The following ZNF385D variants were observed in gnomAD, a reference collection of about 807,000 sequenced individuals.
The protein encoded by ZNF385D is zinc finger protein 385D.
Under a neutral mutation model 35.8 loss-of-function variants are expected in ZNF385D, and 15 were observed. That is an observed-to-expected ratio of 0.42 (90% CI 0.28 to 0.64). The LOEUF (loss-of-function observed/expected upper bound fraction) is 0.64. Ranked by LOEUF, ZNF385D falls within the 30% of genes least tolerant of loss-of-function variation. The pLI is 0.23. For synonymous variants in ZNF385D, 212 were observed against 186.8 expected (o/e 1.13, Z -1.10); for missense variants, 474 against 494.6 (o/e 0.96, Z 0.39).
intron 2 of ZNF385D, among the ~76,000 whole-genome samples, chr3:22,182,279 T>A (rs1695331096): frequency 6.6e-6 from 1 of 152,006 alleles, no homozygotes; most frequent in Admixed American, 6.6e-5. Context: ...GTCAAGAAAA[T>A]GTCTTAAAAC....
chr3:21,975,834 T>G (rs1306620032), intron 3 of ZNF385D, among the ~76,000 whole-genome samples: 2 of 146,010 alleles, frequency 1.4e-5, no homozygotes, highest in African/African-American at 2.6e-5. Flanking sequence ...AAAAATTAAG[T>G]GAGATTGGCA....
At chr3:21,595,424 T>C (rs1180747375) in intron 2 of ZNF385D, among the ~76,000 whole-genome samples, 2 of 150,026 alleles carry the variant, frequency 1.3e-5, no homozygotes, top group East Asian at 3.9e-4. Context: ...ATATGCTTTA[T>C]ATATGTAGTA....
chr3:21,815,419 A>G (rs2073102389), intron 3 of ZNF385D, among the ~76,000 whole-genome samples: 1 of 152,212 alleles, frequency 6.6e-6, no homozygotes, highest in African/African-American at 2.4e-5. Flanking sequence ...AAGATCAACA[A>G]AAGTGATAGA....
intron 3 of ZNF385D, among the ~76,000 whole-genome samples, chr3:21,807,642 A>G (rs1032227619): frequency 2.0e-5 from 3 of 152,130 alleles, no homozygotes; most frequent in African/African-American, 7.2e-5. Context: ...ATATTTAAAT[A>G]ACTTAGTTTA....
chr3:21,974,728 A>G (rs1368185244), intron 3 of ZNF385D, among the ~76,000 whole-genome samples: 1 of 152,170 alleles, frequency 6.6e-6, no homozygotes, highest in Non-Finnish European at 1.5e-5. Flanking sequence ...TCAATAAGAA[A>G]AAAAACCAAT....
chr3:21,791,018 C>A (rs1263144980), intron 3 of ZNF385D, among the ~76,000 whole-genome samples: 2 of 152,162 alleles, frequency 1.3e-5, no homozygotes, highest in African/African-American at 4.8e-5. Context: ...GCACTTGAAC[C>A]AAGCAGGCAT....
At chr3:21,563,484 G>A (rs1025654977) in intron 3 of ZNF385D, among the ~76,000 whole-genome samples, 6 of 152,088 alleles carry the variant, frequency 3.9e-5, no homozygotes, top group African/African-American at 1.2e-4. Flanking sequence ...TTCTTAAGAC[G>A]AAAGCAAAAT....
chr3:21,439,139 A>T (rs1333981537), intron 4 of ZNF385D, among the ~76,000 whole-genome samples: 2 of 152,028 alleles, frequency 1.3e-5, no homozygotes, highest in Non-Finnish European at 2.9e-5. Flanking sequence ...TTCATTTTTT[A>T]TTGTATAAAT....
intron 3 of ZNF385D, among the ~76,000 whole-genome samples, chr3:22,028,751 G>T (rs749118054): frequency 1.3e-5 from 2 of 152,168 alleles, no homozygotes; most frequent in Non-Finnish European, 2.9e-5. Flanking sequence ...GTGGCAGTGG[G>T]CTCAGATTCA....
intron 1 of ZNF385D, among the ~76,000 whole-genome samples, chr3:21,690,245 T>TCATATACATCCATATAGACA (rs552457968): frequency 1.2e-3 from 188 of 152,286 alleles, no homozygotes; most frequent in African/African-American, 3.3e-3. Flanking sequence ...ACACACATAT[T>TCATATACATCCATATAGACA]CATATACATC....
intron 4 of ZNF385D, among the ~76,000 whole-genome samples, chr3:21,464,476 CATACAT>C (rs936611397): frequency 1.3e-5 from 2 of 152,132 alleles, no homozygotes; most frequent in African/African-American, 2.4e-5. Context: ...CATTCATACA[CATACAT>C]ATACACACAG....
intron 4 of ZNF385D, among the ~76,000 whole-genome samples, chr3:21,499,197 C>G (rs528005927): frequency 2.0e-5 from 3 of 152,078 alleles, no homozygotes; most frequent in Non-Finnish European, 4.4e-5. Context: ...ACTTGCAGTA[C>G]GATTCACAAT....
intron 3 of ZNF385D, among the ~76,000 whole-genome samples, chr3:22,164,574 G>A (rs1441261100): frequency 6.6e-6 from 1 of 151,344 alleles, no homozygotes; most frequent in African/African-American, 2.4e-5. Context: ...AAGGGCAGAG[G>A]GCTAGGTTAT....
intron 3 of ZNF385D, among the ~76,000 whole-genome samples, chr3:21,773,158 G>A (rs145800858): frequency 1.3e-5 from 2 of 151,940 alleles, no homozygotes; most frequent in South Asian, 2.1e-4. Context: ...TTATGAATAC[G>A]TTTAATACCA....
intron 2 of ZNF385D, among the ~76,000 whole-genome samples, chr3:22,187,101 T>C (rs1465217856): frequency 6.6e-6 from 1 of 152,118 alleles, no homozygotes; most frequent in Non-Finnish European, 1.5e-5. Flanking sequence ...GATCACACAA[T>C]CTAACATCTT....
At chr3:21,557,313 C>T (rs1484799236) in intron 3 of ZNF385D, among the ~76,000 whole-genome samples, 1 of 152,098 alleles carries the variant, frequency 6.6e-6, no homozygotes, top group Non-Finnish European at 1.5e-5. Context: ...GTCATAATAG[C>T]TCTTATTATT....
At chr3:21,721,797 C>T (rs910383791) in intron 1 of ZNF385D, among the ~76,000 whole-genome samples, 13 of 152,118 alleles carry the variant, frequency 8.5e-5, no homozygotes, top group Non-Finnish European at 1.8e-4. Flanking sequence ...TAACAGTATC[C>T]TATCTTAAAG....
At chr3:21,541,622 C>G (rs930481460) in intron 3 of ZNF385D, among the ~76,000 whole-genome samples, 5 of 152,132 alleles carry the variant, frequency 3.3e-5, no homozygotes, top group Admixed American at 2.0e-4. Context: ...TGACCAGGAA[C>G]AAACCCTCCT....
chr3:21,963,538 T>A (rs1702713451), intron 3 of ZNF385D, among the ~76,000 whole-genome samples: 1 of 152,200 alleles, frequency 6.6e-6, no homozygotes, highest in Non-Finnish European at 1.5e-5. Flanking sequence ...TCAATCTATA[T>A]TCTGAAAAAT....
Sources: allele counts gnomAD v4.1 joint callset (sites outside exome capture counted in the v4.1 genomes callset), GRCh38; gene constraint gnomAD v4.1.1; transcripts MANE v1.5; gene names NCBI Gene and HGNC (gene_info 2026-07-23, HGNC 2026-07-21).